Variants in DMRT2 observed in about 807,000 individuals in gnomAD.
DMRT2 encodes the protein doublesex- and mab-3-related transcription factor 2.
Under a neutral mutation model 43.5 loss-of-function variants are expected in DMRT2, and 33 were observed. That is an observed-to-expected ratio of 0.76 (90% CI 0.58 to 1.01). The LOEUF is 1.01. Ranked by LOEUF, DMRT2 falls within the 50% of genes least tolerant of loss-of-function variation. DMRT2 has a pLI of 0.00. For missense variants in DMRT2, 1,064 were observed against 748.0 expected (o/e 1.42, Z -4.93); for synonymous variants, 395 against 309.2 (o/e 1.28, Z -2.91).
At position 1,051,472 on chromosome 9, in the gene DMRT2, C is replaced by A. The variant is rs377085313; in HGVS notation, c.-44-98C>A. Reference sequence around the variant, plus strand: ...TGTAATGAGAACAGGATGACTCAAGCGGCCGGAGGCGGGCAGACCAGGAGC... The same window carrying A: ...TGTAATGAGAACAGGATGACTCAAGAGGCCGGAGGCGGGCAGACCAGGAGC... On this transcript the variant is annotated intron_variant, in intron 1 of 3. Coordinates refer to ENST00000358146, the MANE Select transcript of DMRT2 (RefSeq NM_181872.6). The surrounding 1 kb of genome is among the most constrained non-coding windows in gnomAD (Gnocchi z 5.9). 4 of 1,357,914 alleles carry A rather than the reference C, an allele frequency of 2.9e-6. No homozygotes were observed. Among genetic ancestry groups the A allele is most frequent in the African/African-American group, 3.1e-5 (2 of 64,554 alleles). 84.1% of individuals were successfully genotyped at this position (1,357,914 alleles called of 1,614,324 possible). A position where few individuals can be genotyped will look rare whatever the true frequency, so the allele number is the denominator to read the frequency against.
chr9:1,055,961 A>G (rs753089394), intron 3 of DMRT2: 51 of 1,400,746 alleles, frequency 3.6e-5, no homozygotes, highest in Non-Finnish European at 4.6e-5. Flanking sequence ...GCAAGCAAAC[A>G]AATCCATAAC....
chr9:1,053,976 G>A (rs372910508), intron 3 of DMRT2, 152 bp downstream of exon 3: 26 of 611,380 alleles, frequency 4.3e-5, no homozygotes, highest in African/African-American at 9.2e-5. Flanking sequence ...CGCTGAGCCC[G>A]TACGCTAAAA....
At chr9:1,055,978 A>C (rs1330360330) in intron 3 of DMRT2, 1 of 1,407,542 alleles carries the variant, frequency 7.1e-7, no homozygotes, top group Non-Finnish European at 9.2e-7. Context: ...TAACAACCAC[A>C]ACAAGCAACA....
At chr9:1,052,867 C>G (rs1012336704) in intron 2 of DMRT2, 4 of 152,308 alleles carry the variant, frequency 2.6e-5, no homozygotes, top group African/African-American at 4.8e-5. Context: ...CGAGGCTTCA[C>G]AGGGCCTCCT....
rs1821535679 is a variant in DMRT2 at position 1,051,060 on chromosome 9, G to A, written c.-45+285G>A. 6.6e-6 allele frequency among the ~76,000 whole-genome samples: 1 copy of A among 152,126 alleles called. No individual in the cohort carries two copies. Among genetic ancestry groups the A allele is most frequent in the African/African-American group, 2.4e-5 (1 of 41,416 alleles). On this transcript the variant is annotated intron_variant, in intron 1 of 3. Transcript: ENST00000358146. This position sits in a 1 kb window ranked among gnomAD's most constrained non-coding sequence, Gnocchi z 5.9. Reference sequence around the variant, plus strand: ...GAGGACCTCTTCAAGCCCAAGGAGGGGTCCTTGTGGTGGTGTAGGCTGATG... The same window carrying A: ...GAGGACCTCTTCAAGCCCAAGGAGGAGTCCTTGTGGTGGTGTAGGCTGATG...
In DMRT2 at chr9:1,053,844, C is replaced by G; in HGVS notation, c.628+20C>G. The G allele has an allele frequency of 6.2e-7, 1 of 1,601,032 alleles. No homozygotes were observed. Among genetic ancestry groups the G allele is most frequent in the East Asian group, 2.2e-5 (1 of 44,810 alleles). Reference sequence around the variant, plus strand: ...TAGAAGGTAAAGCAACAAAATTATCCTTCAGCCTTTTAAACAGAGTTGAGT... The same window carrying G: ...TAGAAGGTAAAGCAACAAAATTATCGTTCAGCCTTTTAAACAGAGTTGAGT... On this transcript the variant is annotated intron_variant, in intron 3 of 3. Coordinates refer to ENST00000358146, the MANE Select transcript of DMRT2 (RefSeq NM_181872.6).
At chr9:1,055,991 A>G in intron 3 of DMRT2, 1 of 1,413,494 alleles carries the variant, frequency 7.1e-7, no homozygotes. Context: ...AAGCAACAAG[A>G]ACAAGAACAA....
At position 1,056,989 on chromosome 9, in the gene DMRT2, C is replaced by T; in HGVS notation, c.1402C>T (p.His468Tyr). ...CACCAGGCACCCTCTGCCACTTAGA[C>T]ATAATCCATTCCACTCATTATTCCA... ...ENTRHPLPLR[H>Y]NPFHSLFQQT... The change falls in exon 4 of 4, where the codon CAT (histidine) becomes TAT (tyrosine). Residue 468 changes from histidine (H) to tyrosine (Y), a missense_variant. Transcript: ENST00000358146. The T allele has an allele frequency of 6.2e-7, 1 of 1,614,230 alleles. No individual in the cohort carries two copies. The highest frequency in any genetic ancestry group is 8.5e-7 in the Non-Finnish European group (1 of 1,180,044).
Position 1,056,477 on chromosome 9 carries a change from A to G in DMRT2, c.890A>G (p.Lys297Arg), listed in dbSNP as rs371164792. The G allele has an allele frequency of 8.7e-5, 140 of 1,614,110 alleles. No individual in the cohort carries two copies. Among genetic ancestry groups the G allele is most frequent in the Non-Finnish European group, 8.0e-5 (94 of 1,180,046 alleles). ...CCCAGCCCAGTGGAACCACCAAGCA[A>G]GGACTTCTGTAATTTTTTGCCCACC... is the stretch of plus-strand genomic sequence containing the variant. ...YSPSPVEPPS[K>R]DFCNFLPTCL... The change falls in exon 4 of 4, where the codon AAG (lysine) becomes AGG (arginine). Residue 297 changes from lysine (K) to arginine (R), a missense_variant. Lys to Arg is a conservative substitution (Grantham distance 26). Transcript: ENST00000358146.
At chr9:1,055,809 T>C (rs1216705094) in intron 3 of DMRT2, 3 of 1,508,678 alleles carry the variant, frequency 2.0e-6, no homozygotes, top group African/African-American at 1.5e-5. Flanking sequence ...GGTATAGATA[T>C]ATTTTTTAAT....
chr9:1,052,161 C>A, intron 2 of DMRT2, 23 bp downstream of exon 2: 6 of 1,348,480 alleles, frequency 4.4e-6, no homozygotes, highest in Non-Finnish European at 4.7e-6. Context: ...CCGGCCCGGG[C>A]GTCTCAGGCC....
intron 3 of DMRT2, chr9:1,054,745 A>G (rs1417373870): frequency 6.6e-6 from 1 of 152,206 alleles, no homozygotes; most frequent in Non-Finnish European, 1.5e-5. Context: ...GGGACAATTA[A>G]TGTTTGCTTT....
chr9:1,057,038 G>T lies in DMRT2; in HGVS notation c.1451G>T (p.Gly484Val), dbSNP rs916734285. 1.2e-6 allele frequency: 2 copies of T among 1,614,044 alleles called. No individual in the cohort carries two copies. The highest frequency in any genetic ancestry group is 1.6e-4 in the Middle Eastern group (1 of 6,084). Residue 484 changes from glycine to valine, a missense_variant, in exon 4 of 4, where the codon GGT (glycine) becomes GTT (valine). Gly to Val is a moderately radical substitution (Grantham distance 109). Coordinates refer to ENST00000358146, the MANE Select transcript of DMRT2 (RefSeq NM_181872.6). ...LFQQTLTDKS[G>V]PELKTPFVKE... ...CAGCAAACACTTACTGACAAATCGGGTCCTGAGTTGAAAACACCATTTGTC... is the reference window on the plus strand; with the variant it reads ...CAGCAAACACTTACTGACAAATCGGTTCCTGAGTTGAAAACACCATTTGTC...
Position 1,051,052 on chromosome 9 carries a change from C to G in DMRT2, c.-45+277C>G, listed in dbSNP as rs533561182. 1.9e-3 allele frequency among the ~76,000 whole-genome samples: 293 copies of G among 152,180 alleles called. 3 individuals are homozygous for G. Among genetic ancestry groups the G allele is most frequent in the African/African-American group, 6.9e-3 (286 of 41,514 alleles). ...GGGGGTGAGAGGACCTCTTCAAGCC[C>G]AAGGAGGGGTCCTTGTGGTGGTGTA... On this transcript the variant is annotated intron_variant, in intron 1 of 3. Coordinates refer to ENST00000358146, the MANE Select transcript of DMRT2 (RefSeq NM_181872.6). This position sits in a 1 kb window ranked among gnomAD's most constrained non-coding sequence, Gnocchi z 5.9.
rs970462719 is a variant in DMRT2, at chr9:1,051,700, G to T, written c.87G>T (p.Ala29=). ...AGCTGGAAGAGGACGTCTGCGGGGC[G>T]CCGCGGTCCACGCCCCCCGGGCCCA... ...SLELEEDVCG[A]PRSTPPGPSP... Residue 29 remains alanine, a synonymous_variant, in exon 2 of 4, where the codon GCG becomes GCT. Coordinates refer to ENST00000358146, the MANE Select transcript of DMRT2 (RefSeq NM_181872.6). This position sits in a 1 kb window ranked among gnomAD's most constrained non-coding sequence, Gnocchi z 5.9. The T allele has an allele frequency of 6.4e-7, 1 of 1,554,016 alleles. No individual in the cohort carries two copies. The highest frequency in any genetic ancestry group is 2.4e-5 in the East Asian group (1 of 40,908).
At position 1,052,148 on chromosome 9, in the gene DMRT2, C is replaced by G; in HGVS notation, c.525+10C>G. The G allele has an allele frequency of 1.5e-6, 2 of 1,373,640 alleles. No homozygotes were observed. Among genetic ancestry groups the G allele is most frequent in the South Asian group, 3.3e-5 (2 of 60,826 alleles). The allele number at this position is 1,373,640 out of a possible 1,614,324, so 85.1% of individuals were successfully genotyped here. A position where few individuals can be genotyped will look rare whatever the true frequency, so the allele number is the denominator to read the frequency against. On this transcript the variant is annotated intron_variant, in intron 2 of 3. Transcript: ENST00000358146. ...GCAGCAGGCCACCGAGGTGCGTACC[C>G]GCCCGGCCCGGGCGTCTCAGGCCAC...
Position 1,057,114 on chromosome 9 carries a change from G to A in DMRT2, c.1527G>A (p.Lys509=), listed in dbSNP as rs1263648069. ...AGAAACACAGAGAGTGTTTAGTTAA[G>A]GACAACCAGAAGTACACATTTACAA... ...TPKKHRECLV[K]DNQKYTFTID... The change falls in exon 4 of 4, where the codon AAG becomes AAA. Residue 509 remains lysine, a synonymous_variant. Coordinates refer to ENST00000358146, the MANE Select transcript of DMRT2 (RefSeq NM_181872.6). 1 of 1,614,026 alleles carries A rather than the reference G, an allele frequency of 6.2e-7. No homozygotes were observed.
In DMRT2 at chr9:1,056,295, A is replaced by G. The variant is rs774540660; in HGVS notation, c.708A>G (p.Lys236=). ...CCCCAGTTAGTGACAGGATGAGGAA[A>G]AGAAGAGCCTTTGCTGATAAAGAGT... ...LPPPVSDRMR[K]RRAFADKELE... The change falls in exon 4 of 4, where the codon AAA becomes AAG. Residue 236 remains lysine, a synonymous_variant. Coordinates refer to ENST00000358146, the MANE Select transcript of DMRT2 (RefSeq NM_181872.6). 10 of 1,614,246 alleles carry G rather than the reference A, an allele frequency of 6.2e-6. No individual in the cohort carries two copies. In the Admixed American group the frequency reaches 1.7e-4, roughly 27 times the overall value.
intron 2 of DMRT2, 135 bp from the exon 3 acceptor site, chr9:1,053,587 T>C: frequency 1.2e-6 from 1 of 807,472 alleles, no homozygotes; most frequent in Non-Finnish European, 1.9e-6. Context: ...GTAATTATTT[T>C]TCACACGGAA....
Sources: allele counts gnomAD v4.1 joint callset (sites outside exome capture counted in the v4.1 genomes callset), GRCh38; gene constraint gnomAD v4.1.1; non-coding constraint Gnocchi (gnomAD v3.1); transcripts MANE v1.5; gene names NCBI Gene and HGNC (gene_info 2026-07-23, HGNC 2026-07-21).